Variants in CDYL2 observed in about 807,000 individuals in gnomAD.
CDYL2 encodes chromodomain Y-like protein 2.
CDYL2 carries 23 observed loss-of-function variants against 49.4 expected under a neutral mutation model. The observed-to-expected ratio is 0.47, with a 90% CI of 0.34 to 0.66. CDYL2 has a LOEUF of 0.66. CDYL2 is among the 30% of genes least tolerant of loss of function. The pLI is 0.01. For missense variants in CDYL2, 678 were observed against 656.4 expected (o/e 1.03, Z -0.36); for synonymous variants, 360 against 268.8 (o/e 1.34, Z -3.32).
At chr16:80,726,539 T>C (rs1158779254) in intron 1 of CDYL2, among the ~76,000 whole-genome samples, 1 of 152,224 alleles carries the variant, frequency 6.6e-6, no homozygotes, top group Non-Finnish European at 1.5e-5. Context: ...ATTTACTGAA[T>C]GAAAGATCAG....
chr16:80,698,684 T>A (rs1904286622), intron 1 of CDYL2, among the ~76,000 whole-genome samples: 1 of 152,088 alleles, frequency 6.6e-6, no homozygotes, highest in African/African-American at 2.4e-5. Flanking sequence ...GTATGTAGCA[T>A]CTCTCCTCCT....
At chr16:80,677,860 A>G (rs999272930) in intron 2 of CDYL2, among the ~76,000 whole-genome samples, 5 of 151,952 alleles carry the variant, frequency 3.3e-5, no homozygotes, top group African/African-American at 1.2e-4. Context: ...ACTTCAAACT[A>G]TACTACAAGG....
rs377301254 is a variant in CDYL2, at chr16:80,608,278, C to T, written c.1219-43G>A. On this transcript the variant is annotated intron_variant, in intron 5 of 6. Transcript: ENST00000570137. ...GGCAAAGACTGAGGGCCTGGAGGTC[C>T]ACCCATGTCCCTCAGCTGGTCCAGG... 5.3e-4 allele frequency: 798 copies of T among 1,513,010 alleles called. 15 individuals carry two copies. In the South Asian group the frequency reaches 7.8e-3, roughly 15 times the overall value. 93.7% of individuals were successfully genotyped at this position (1,513,010 alleles called of 1,614,324 possible).
At chr16:80,718,509 C>A (rs1422071180) in intron 1 of CDYL2, among the ~76,000 whole-genome samples, 1 of 152,202 alleles carries the variant, frequency 6.6e-6, no homozygotes, top group Non-Finnish European at 1.5e-5. Flanking sequence ...CCTGCCCACT[C>A]TGATGCCTAA....
At position 80,654,011 on chromosome 16, in the gene CDYL2, G is replaced by A. The variant is rs146877955; in HGVS notation, c.617-20775C>T. On this transcript the variant is annotated intron_variant, in intron 2 of 6. Coordinates refer to ENST00000570137, the MANE Select transcript of CDYL2 (RefSeq NM_152342.4). ...GGCTGCCCCATGCTTGCATGCCAAC[G>A]GAAGTTGGAAAATCTCCTGGACTGT... Among the ~76,000 whole-genome samples, 355 of 152,266 alleles carry A rather than the reference G, an allele frequency of 2.3e-3. 2 individuals are homozygous for A. Among genetic ancestry groups the A allele is most frequent in the African/African-American group, 8.1e-3 (337 of 41,542 alleles).
intron 1 of CDYL2, among the ~76,000 whole-genome samples, chr16:80,735,721 T>G (rs1184485568): frequency 6.6e-6 from 1 of 152,178 alleles, no homozygotes; most frequent in East Asian, 1.9e-4. Flanking sequence ...ATAGCAATAA[T>G]CACTGGACTC....
At chr16:80,644,006 T>A (rs768066697) in intron 2 of CDYL2, among the ~76,000 whole-genome samples, 1 of 152,258 alleles carries the variant, frequency 6.6e-6, no homozygotes, top group African/African-American at 2.4e-5. Flanking sequence ...TATCACATTG[T>A]CAGGCTACAA....
chr16:80,757,105 A>G (rs1287265064), intron 1 of CDYL2, among the ~76,000 whole-genome samples: 1 of 152,214 alleles, frequency 6.6e-6, no homozygotes. Flanking sequence ...AGTAAAAGAA[A>G]TAAGAGCTTC....
intron 1 of CDYL2, among the ~76,000 whole-genome samples, chr16:80,686,451 T>G (rs1910198928): frequency 6.6e-6 from 1 of 152,224 alleles, no homozygotes; most frequent in South Asian, 2.1e-4. Context: ...AATATGCTTT[T>G]CTAGAATGGA....
intron 1 of CDYL2, among the ~76,000 whole-genome samples, chr16:80,765,104 A>AAT (rs1402358376): frequency 1.4e-5 from 2 of 146,628 alleles, no homozygotes. Context: ...AATATATACT[A>AAT]ATATATATTG....
At chr16:80,715,806 T>C (rs1401008101) in intron 1 of CDYL2, among the ~76,000 whole-genome samples, 1 of 152,212 alleles carries the variant, frequency 6.6e-6, no homozygotes, top group Non-Finnish European at 1.5e-5. Flanking sequence ...GCAGCCACTC[T>C]ATGGAATCAT....
At chr16:80,717,297 T>C (rs914491516) in intron 1 of CDYL2, among the ~76,000 whole-genome samples, 1 of 152,228 alleles carries the variant, frequency 6.6e-6, no homozygotes, top group Non-Finnish European at 1.5e-5. Flanking sequence ...GACTGCCTTG[T>C]ATGTCCTCTA....
At chr16:80,688,095 C>A (rs9933370) in intron 1 of CDYL2, among the ~76,000 whole-genome samples, 10,260 of 152,222 alleles carry the variant, frequency 0.067, 679 homozygotes, top group African/African-American at 0.17. Context: ...GTCTAGATGG[C>A]TATTTGGGGC....
chr16:80,731,097 A>T (rs189849080), intron 1 of CDYL2, among the ~76,000 whole-genome samples: 2 of 152,230 alleles, frequency 1.3e-5, no homozygotes, highest in Non-Finnish European at 2.9e-5. Context: ...AATATGTACA[A>T]ATTGTTGTAC....
intron 1 of CDYL2, chr16:80,738,858 G>A (rs945511891): frequency 6.6e-6 from 1 of 152,236 alleles, no homozygotes; most frequent in Non-Finnish European, 1.5e-5. Flanking sequence ...ATAAAATGGA[G>A]ATGATGATAG....
chr16:80,604,384 C>A lies in CDYL2; in HGVS notation c.*4G>T, dbSNP rs376399876. On this transcript the variant is annotated 3_prime_UTR_variant, in exon 7 of 7. Transcript: ENST00000570137. ...GAAGTTGGGGGCCCGTGAGCTGGGG[C>A]CCCTCAGACTTCATAAATTTTGTCC... 34 of 1,613,926 alleles carry A rather than the reference C, an allele frequency of 2.1e-5. No homozygotes were observed. The Middle Eastern group carries it at 8.3e-4, about 39-fold the overall frequency.
At chr16:80,676,963 A>ATTTTTTTTTT (rs35188796) in intron 2 of CDYL2, among the ~76,000 whole-genome samples, 2 of 60,054 alleles carry the variant, frequency 3.3e-5, no homozygotes, top group African/African-American at 5.0e-5. Flanking sequence ...AATTCAATGT[A>ATTTTTTTTTT]TTTTTTTTTT....
chr16:80,609,890 G>A (rs980449271), intron 5 of CDYL2, among the ~76,000 whole-genome samples: 2 of 152,028 alleles, frequency 1.3e-5, no homozygotes, highest in South Asian at 2.1e-4. Context: ...CTAAGAAAAC[G>A]AACATAAACA....
At chr16:80,651,675 G>A (rs916848001) in intron 2 of CDYL2, among the ~76,000 whole-genome samples, 2 of 152,190 alleles carry the variant, frequency 1.3e-5, no homozygotes, top group African/African-American at 4.8e-5. Context: ...AATTATATAT[G>A]TATAAAGCAA....
Sources: gnomAD v4.1 joint callset for allele counts (sites outside exome capture counted in the v4.1 genomes callset) on GRCh38, gnomAD v4.1.1 for gene constraint, MANE v1.5 for transcripts, NCBI Gene and HGNC (gene_info 2026-07-23, HGNC 2026-07-21) for gene names.